The following DERA variants were observed in gnomAD, a reference collection of about 807,000 sequenced individuals.
The protein encoded by DERA is deoxyribose-phosphate aldolase.
In DERA, 15 loss-of-function variants were observed where a neutral mutation model predicts 41.1. That is an observed-to-expected ratio of 0.37 (90% CI 0.24 to 0.56). The LOEUF is 0.56. Ranked by LOEUF, DERA falls within the 20% of genes least tolerant of loss-of-function variation. The pLI, the probability that DERA is intolerant of heterozygous loss-of-function variation, is 0.81. For synonymous variants in DERA, 139 were observed against 137.4 expected (o/e 1.01, Z -0.08); for missense variants, 396 against 403.4 (o/e 0.98, Z 0.16).
intron 5 of DERA, 57 bp downstream of exon 5, chr12:15,963,004 G>A (rs1948599034): frequency 3.9e-6 from 6 of 1,555,510 alleles, no homozygotes; most frequent in Non-Finnish European, 5.2e-6. Context: ...TGAATCAGAT[G>A]ATGAGGTAAG....
At chr12:16,031,437 T>C (rs1383077273) in intron 6 of DERA, among the ~76,000 whole-genome samples, 1 of 152,182 alleles carries the variant, frequency 6.6e-6, no homozygotes, top group Non-Finnish European at 1.5e-5. Flanking sequence ...TGCCACAGAT[T>C]CCATAGGTTA....
chr12:15,952,259 T>C (rs1948503860), intron 1 of DERA, among the ~76,000 whole-genome samples: 1 of 152,252 alleles, frequency 6.6e-6, no homozygotes, highest in African/African-American at 2.4e-5. Context: ...CTATATATTA[T>C]TGAACTGGAC....
Position 15,970,658 on chromosome 12 carries a change from G to GA in DERA, c.508+7719dup, listed in dbSNP as rs1446281742. On this transcript the variant is annotated intron_variant, in intron 5 of 8. Coordinates refer to ENST00000428559, the MANE Select transcript of DERA (RefSeq NM_015954.4). This position sits in a 1 kb window ranked among gnomAD's most constrained non-coding sequence, Gnocchi z 4.3. ...AATGAGCTCATTAAAAAAGAAAACT[G>GA]AAAAAAAACAGGTACACCCACATTT... Among the ~76,000 whole-genome samples the GA allele has an allele frequency of 7.3e-5, 11 of 150,880 alleles. No individual in the cohort carries two copies. Among genetic ancestry groups the GA allele is most frequent in the Non-Finnish European group, 1.3e-4 (9 of 67,698 alleles).
At chr12:15,944,147 G>T (rs1293258539) in intron 1 of DERA, among the ~76,000 whole-genome samples, 3 of 151,994 alleles carry the variant, frequency 2.0e-5, no homozygotes, top group Non-Finnish European at 2.9e-5. Context: ...ATTTGGGTTG[G>T]TTCCAAGTCT....
At chr12:16,024,895 G>A (rs1328102723) in intron 6 of DERA, among the ~76,000 whole-genome samples, 15 of 152,182 alleles carry the variant, frequency 9.9e-5, no homozygotes, top group Admixed American at 8.5e-4. Flanking sequence ...TTACCAGATA[G>A]GTAAGCTGAA....
chr12:15,960,501 G>A (rs1262970618), intron 4 of DERA, among the ~76,000 whole-genome samples: 1 of 151,324 alleles, frequency 6.6e-6, no homozygotes, highest in Non-Finnish European at 1.5e-5. Flanking sequence ...AGCCAGGCAT[G>A]GTGGCAGGTG....
rs1948161167 is a variant in DERA at position 15,911,347 on chromosome 12, G to T, written c.-37G>T. The T allele has an allele frequency of 7.0e-7, 1 of 1,432,238 alleles. No homozygotes were observed. Among genetic ancestry groups the T allele is most frequent in the Non-Finnish European group, 9.1e-7 (1 of 1,102,640 alleles). The allele number at this position is 1,432,238 out of a possible 1,614,324, so 88.7% of individuals were successfully genotyped here. On this transcript the variant is annotated 5_prime_UTR_variant, in exon 1 of 9. Coordinates refer to ENST00000428559, the MANE Select transcript of DERA (RefSeq NM_015954.4). The surrounding 1 kb of genome is among the most constrained non-coding windows in gnomAD (Gnocchi z 4.5). ...AGGGCCGGGCGCGGCGCAGAGGCGG[G>T]CGCCTACCAGCCGGCAGCTCCGGAG...
At position 15,987,253 on chromosome 12, in the gene DERA, T is replaced by G. The variant is rs1312783401; in HGVS notation, c.637+4817T>G. Among the ~76,000 whole-genome samples the G allele has an allele frequency of 4.3e-5, 6 of 140,152 alleles. No homozygotes were observed. The East Asian group carries it at 1.2e-3, about 28-fold the overall frequency. The allele number at this position is 140,152 out of a possible 152,430, so 91.9% of individuals were successfully genotyped here. On this transcript the variant is annotated intron_variant, in intron 6 of 8. Coordinates refer to ENST00000428559, the MANE Select transcript of DERA (RefSeq NM_015954.4). ...TACTTTTTTTTTTTTTTTTTTTTTT[T>G]TGAGACATAGTCTGGCTCTGTCACC...
intron 1 of DERA, among the ~76,000 whole-genome samples, chr12:15,947,069 G>A (rs984006134): frequency 3.3e-5 from 5 of 152,194 alleles, no homozygotes; most frequent in African/African-American, 1.2e-4. Flanking sequence ...TTTCTAGTTT[G>A]ATTGCACTGT....
At chr12:16,002,667 G>A (rs1948883515) in intron 6 of DERA, among the ~76,000 whole-genome samples, 1 of 152,008 alleles carries the variant, frequency 6.6e-6, no homozygotes, top group Non-Finnish European at 1.5e-5. Context: ...ACTAATTAGA[G>A]TCCCATGCTG....
chr12:16,023,678 C>T lies in DERA; in HGVS notation c.638-8864C>T, dbSNP rs539691588. ...ATTTTTAGTAGAGACGGGGTTTCAC[C>T]GTTTTAGCCGGGATGGTCTCGATCT... is the stretch of plus-strand genomic sequence containing the variant. On this transcript the variant is annotated intron_variant, in intron 6 of 8. Transcript: ENST00000428559. Among the ~76,000 whole-genome samples, 9 of 151,686 alleles carry T rather than the reference C, an allele frequency of 5.9e-5. No individual in the cohort carries two copies. The South Asian group carries it at 1.7e-3, about 28-fold the overall frequency.
In DERA at chr12:15,984,841, A is replaced by G. The variant is rs1409581204; in HGVS notation, c.637+2405A>G. ...ATTGAAGTATTCTTTGATGAACTTG[A>G]AATATTTTGAAATATTTTTTATATT... On this transcript the variant is annotated intron_variant, in intron 6 of 8. Transcript: ENST00000428559. The surrounding 1 kb of genome is among the most constrained non-coding windows in gnomAD (Gnocchi z 4.5). 6.6e-6 allele frequency among the ~76,000 whole-genome samples: 1 copy of G among 152,246 alleles called. No individual in the cohort carries two copies. Among genetic ancestry groups the G allele is most frequent in the Non-Finnish European group, 1.5e-5 (1 of 68,040 alleles).
rs917464496 is a variant in DERA at position 16,017,533 on chromosome 12, T to C, written c.638-15009T>C. Among the ~76,000 whole-genome samples the C allele has an allele frequency of 1.2e-4, 19 of 152,348 alleles. No individual in the cohort carries two copies. The highest frequency in any genetic ancestry group is 4.3e-4 in the African/African-American group (18 of 41,584). ...CTCCAGATTTAGTATTAGTATCACA[T>C]TGATACCTCCAGAGGGGCTTTCTGC... On this transcript the variant is annotated intron_variant, in intron 6 of 8. Coordinates refer to ENST00000428559, the MANE Select transcript of DERA (RefSeq NM_015954.4). This position sits in a 1 kb window ranked among gnomAD's most constrained non-coding sequence, Gnocchi z 5.5.
At position 16,017,350 on chromosome 12, in the gene DERA, C is replaced by T. The variant is rs1165240652; in HGVS notation, c.638-15192C>T. ...ACCGACAGAGAATTACTCTGTAGCT[C>T]ACTATTCAGATTGGAAGAAAGCACT... On this transcript the variant is annotated intron_variant, in intron 6 of 8. Transcript: ENST00000428559. This position sits in a 1 kb window ranked among gnomAD's most constrained non-coding sequence, Gnocchi z 5.5. Among the ~76,000 whole-genome samples, 2 of 152,192 alleles carry T rather than the reference C, an allele frequency of 1.3e-5. No homozygotes were observed. Among genetic ancestry groups the T allele is most frequent in the African/African-American group, 4.8e-5 (2 of 41,448 alleles).
Position 15,918,484 on chromosome 12 carries a change from C to A in DERA, c.31+7070C>A, listed in dbSNP as rs1948217431. Among the ~76,000 whole-genome samples the A allele has an allele frequency of 1.3e-5, 2 of 152,320 alleles. No individual in the cohort carries two copies. The highest frequency in any genetic ancestry group is 4.1e-4 in the South Asian group (2 of 4,834). On this transcript the variant is annotated intron_variant, in intron 1 of 8. Coordinates refer to ENST00000428559, the MANE Select transcript of DERA (RefSeq NM_015954.4). The surrounding 1 kb of genome is among the most constrained non-coding windows in gnomAD (Gnocchi z 4.3). ...GCTTGAATGACTACGTTGTTCACCT[C>A]CTCTTCAGTGCCCCACCCCAACGGT...
At position 15,962,245 on chromosome 12, in the gene DERA, T is replaced by G. The variant is rs571304620; in HGVS notation, c.374-568T>G. 6.6e-5 allele frequency among the ~76,000 whole-genome samples: 10 copies of G among 152,356 alleles called. No individual in the cohort carries two copies. In the South Asian group the frequency reaches 2.1e-3, roughly 32 times the overall value. On this transcript the variant is annotated intron_variant, in intron 4 of 8. Coordinates refer to ENST00000428559, the MANE Select transcript of DERA (RefSeq NM_015954.4). ...TTTGGTGGACTAATTAGGTGTGTTT[T>G]CCTCCTGCATTCTCTTTTCTTTATG... is the stretch of plus-strand genomic sequence containing the variant.
intron 5 of DERA, among the ~76,000 whole-genome samples, chr12:15,977,062 A>G (rs532843596): frequency 6.6e-6 from 1 of 152,266 alleles, no homozygotes; most frequent in East Asian, 1.9e-4. Flanking sequence ...AGTGTATTAT[A>G]CAAAATTTAG....
At chr12:15,927,631 A>G (rs959449001) in intron 1 of DERA, among the ~76,000 whole-genome samples, 42 of 152,314 alleles carry the variant, frequency 2.8e-4, no homozygotes, top group African/African-American at 9.9e-4. Flanking sequence ...TATGAAAAGT[A>G]ATCAACTTGC....
intron 6 of DERA, among the ~76,000 whole-genome samples, chr12:16,023,786 C>G (rs1427616411): frequency 6.6e-6 from 1 of 152,132 alleles, no homozygotes; most frequent in African/African-American, 2.4e-5. Flanking sequence ...CTCAAACAGT[C>G]TTTATAGAGA....
Sources: allele counts gnomAD v4.1 joint callset (sites outside exome capture counted in the v4.1 genomes callset), GRCh38; gene constraint gnomAD v4.1.1; non-coding constraint Gnocchi (gnomAD v3.1); transcripts MANE v1.5; gene names NCBI Gene and HGNC (gene_info 2026-07-23, HGNC 2026-07-21).